SUPT3H: variants seen among roughly 807,000 people sequenced by gnomAD.
SUPT3H encodes the protein SPT3 homolog, SAGA and STAGA complex component.
Under a neutral mutation model 44.3 loss-of-function variants are expected in SUPT3H, and 44 were observed. The ratio of observed to expected loss-of-function variants is 0.99; its 90% CI spans 0.78 to 1.28. The LOEUF (loss-of-function observed/expected upper bound fraction) is 1.28, where lower values mean the gene tolerates loss of function less well. Among genes scored for constraint, SUPT3H ranks in the 50% most tolerant of loss-of-function variants. The probability of loss-of-function intolerance (pLI) is 0.00; values close to 1 mark genes in which losing one functional copy is unlikely to be tolerated. For synonymous variants in SUPT3H, 124 were observed against 125.6 expected, an observed-to-expected ratio of 0.99 and a Z score of 0.09; for missense variants, 380 against 387.1, an observed-to-expected ratio of 0.98 and a Z score of 0.15.
At chr6:45,254,623 T>C (rs1332290294) in intron 2 of SUPT3H, among the ~76,000 whole-genome samples, 6 of 152,170 alleles carry the variant, frequency 3.9e-5, no homozygotes, top group Non-Finnish European at 1.5e-5. Flanking sequence ...ATGCCTTCCA[T>C]TGCAAGAAAC....
chr6:45,040,060 C>T (rs1459043551), intron 3 of SUPT3H, among the ~76,000 whole-genome samples: 1 of 152,184 alleles, frequency 6.6e-6, no homozygotes, highest in East Asian at 1.9e-4. Context: ...ATACCATCTG[C>T]AGCAGGGTTT....
intron 2 of SUPT3H, among the ~76,000 whole-genome samples, chr6:45,308,776 A>G (rs1783504620): frequency 6.6e-6 from 1 of 152,030 alleles, no homozygotes; most frequent in African/African-American, 2.4e-5. Context: ...AAAGTCAAAA[A>G]AAATAATGAA....
intron 2 of SUPT3H, among the ~76,000 whole-genome samples, chr6:45,241,171 T>C (rs1459786379): frequency 6.6e-6 from 1 of 152,106 alleles, no homozygotes; most frequent in Non-Finnish European, 1.5e-5. Context: ...TTTTATCACT[T>C]TGTGAAACAA....
At chr6:45,002,864 G>A (rs116777866) in intron 6 of SUPT3H, among the ~76,000 whole-genome samples, 38 of 49,014 alleles carry the variant, frequency 7.8e-4, no homozygotes, top group Non-Finnish European at 1.1e-3. Context: ...CTATAAAAAA[G>A]TTGGCACTTA....
At chr6:45,158,296 A>ATTTTTTT (rs1489076667) in intron 2 of SUPT3H, among the ~76,000 whole-genome samples, 4 of 72,028 alleles carry the variant, frequency 5.6e-5, no homozygotes, top group South Asian at 8.0e-4. Flanking sequence ...ATATATATAT[A>ATTTTTTT]TATTTTTTTT....
intron 3 of SUPT3H, among the ~76,000 whole-genome samples, chr6:45,024,660 C>G (rs1342466269): frequency 4.6e-5 from 7 of 152,096 alleles, no homozygotes; most frequent in Non-Finnish European, 2.9e-5. Context: ...TTTTGTGTGT[C>G]AATTTGACTG....
intron 6 of SUPT3H, among the ~76,000 whole-genome samples, chr6:44,984,509 G>A (rs1779510077): frequency 6.6e-6 from 1 of 152,100 alleles, no homozygotes; most frequent in Non-Finnish European, 1.5e-5. Flanking sequence ...TGTCTATGTA[G>A]TTAACTATTT....
At chr6:45,327,732 CTT>C (rs11438577) in intron 2 of SUPT3H, among the ~76,000 whole-genome samples, 29 of 148,354 alleles carry the variant, frequency 2.0e-4, no homozygotes, top group East Asian at 2.0e-4. Flanking sequence ...TTAAGGTAAA[CTT>C]TTTTTTTTTT....
chr6:45,117,603 C>T (rs1271184473), intron 2 of SUPT3H, among the ~76,000 whole-genome samples: 1 of 152,042 alleles, frequency 6.6e-6, no homozygotes, highest in South Asian at 2.1e-4. Context: ...TCTAGAAAAA[C>T]CACCTGGCAA....
chr6:45,278,966 C>CA (rs1049705863), intron 2 of SUPT3H, among the ~76,000 whole-genome samples: 118 of 151,094 alleles, frequency 7.8e-4, no homozygotes, highest in African/African-American at 2.6e-3. Flanking sequence ...TAGCATATTT[C>CA]AAAAAAAAGA....
At chr6:44,811,369 G>A (rs1436920836) in intron 11 of SUPT3H, among the ~76,000 whole-genome samples, 1 of 152,198 alleles carries the variant, frequency 6.6e-6, no homozygotes, top group Middle Eastern at 3.2e-3. Context: ...ATCATGTTAG[G>A]TGGAAGCATT....
At position 45,106,010 on chromosome 6, in the gene SUPT3H, C is replaced by A; in HGVS notation, c.102-4G>T. 1.2e-6 allele frequency: 2 copies of A among 1,611,660 alleles called. No individual in the cohort carries two copies. The highest frequency in any genetic ancestry group is 1.7e-6 in the Non-Finnish European group (2 of 1,178,254). On this transcript the variant is annotated splice_polypyrimidine_tract_variant and splice_region_variant and intron_variant, in intron 2 of 10. Transcript: ENST00000371459. ...TCTAGCATCACCTAAAGAATACCTG[C>A]AAAATAATTTTAAACACACCAATAT...
chr6:45,336,536 T>C (rs1394790023), intron 2 of SUPT3H, among the ~76,000 whole-genome samples: 1 of 151,472 alleles, frequency 6.6e-6, no homozygotes, highest in African/African-American at 2.4e-5. Flanking sequence ...TACACTTAAA[T>C]ATTTTTTAAA....
chr6:45,151,501 A>G (rs748843252), intron 2 of SUPT3H, among the ~76,000 whole-genome samples: 3 of 152,160 alleles, frequency 2.0e-5, no homozygotes, highest in Non-Finnish European at 4.4e-5. Flanking sequence ...ATTTAAGACT[A>G]TCACACAAAG....
At chr6:45,203,293 C>G (rs558789938) in intron 2 of SUPT3H, among the ~76,000 whole-genome samples, 56 of 152,038 alleles carry the variant, frequency 3.7e-4, no homozygotes, top group Non-Finnish European at 4.9e-4. Flanking sequence ...CCCAACTGTT[C>G]AGGTCAAAAT....
rs188030542 is a variant in SUPT3H at position 44,996,334 on chromosome 6, A to G, written c.504+7319T>C. Among the ~76,000 whole-genome samples, 5 of 151,860 alleles carry G rather than the reference A, an allele frequency of 3.3e-5. No homozygotes were observed. The East Asian group carries it at 7.7e-4, about 23-fold the overall frequency. On this transcript the variant is annotated intron_variant, in intron 6 of 10. Coordinates refer to ENST00000371459, the MANE Select transcript of SUPT3H (RefSeq NM_003599.4). ...CTTCTTGTTTTTCATATCCTTTGCC[A>G]ATTTTCCTACTAGAATGTTCTTACT...
chr6:45,072,351 A>T (rs995775970), intron 3 of SUPT3H, among the ~76,000 whole-genome samples: 1 of 152,170 alleles, frequency 6.6e-6, no homozygotes, highest in Admixed American at 6.5e-5. Flanking sequence ...TTTCAGTGCC[A>T]CTCAAAATGT....
chr6:45,060,197 A>G (rs549286778), intron 3 of SUPT3H, among the ~76,000 whole-genome samples: 3 of 152,320 alleles, frequency 2.0e-5, no homozygotes, highest in Admixed American at 6.5e-5. Context: ...ACTTCAAACT[A>G]TATTACAAGG....
intron 6 of SUPT3H, among the ~76,000 whole-genome samples, chr6:44,995,619 A>G (rs943710651): frequency 6.6e-6 from 1 of 152,134 alleles, no homozygotes; most frequent in African/African-American, 2.4e-5. Flanking sequence ...ACTTGTATTT[A>G]CATGCATATT....
Sources: allele counts gnomAD v4.1 joint callset (sites outside exome capture counted in the v4.1 genomes callset), GRCh38; gene constraint gnomAD v4.1.1; transcripts MANE v1.5; gene names NCBI Gene and HGNC (gene_info 2026-07-23, HGNC 2026-07-21).